GLIS3: variants seen among roughly 807,000 people sequenced by gnomAD.
GLIS3 encodes the protein GLIS family zinc finger 3.
A neutral mutation model predicts 78.6 loss-of-function variants in GLIS3; 53 were observed. The observed-to-expected ratio is 0.67, with a 90% CI of 0.54 to 0.85. The LOEUF (loss-of-function observed/expected upper bound fraction) is 0.85. Among genes scored for constraint, GLIS3 ranks in the 40% least tolerant of loss-of-function variants. GLIS3 has a pLI of 0.00. For missense variants in GLIS3, 1,703 were observed against 1,231.1 expected (o/e 1.38, Z -5.74); for synonymous variants, 684 against 509.9 (o/e 1.34, Z -4.60).
intron 4 of GLIS3, among the ~76,000 whole-genome samples, chr9:4,116,974 A>C (rs1831696696): frequency 6.6e-6 from 1 of 152,208 alleles, no homozygotes; most frequent in Admixed American, 6.5e-5. Context: ...AATTGTTGTG[A>C]AACCATTTAA....
At chr9:4,447,428 G>C in the GLIS3 span, among the ~76,000 whole-genome samples, 2 of 151,972 alleles carry the variant, frequency 1.3e-5, no homozygotes, top group African/African-American at 4.8e-5. Flanking sequence ...AGTAGTCCCT[G>C]AACAATCTCC....
the GLIS3 span, among the ~76,000 whole-genome samples, chr9:4,475,359 A>G: frequency 2.0e-4 from 31 of 152,326 alleles, no homozygotes; most frequent in East Asian, 4.4e-3. Context: ...AAGGTGCTCA[A>G]TCAGGGTTGT....
At chr9:3,906,476 C>A (rs1162905437) in intron 6 of GLIS3, among the ~76,000 whole-genome samples, 2 of 152,026 alleles carry the variant, frequency 1.3e-5, no homozygotes, top group Admixed American at 6.6e-5. Context: ...TAAGTTTTGG[C>A]CCGAGGAACA....
the GLIS3 span, among the ~76,000 whole-genome samples, chr9:4,356,772 T>C: frequency 4.6e-5 from 7 of 152,168 alleles, no homozygotes; most frequent in East Asian, 1.3e-3. Context: ...AACCAAAAGC[T>C]GAAAAACATC....
At chr9:4,088,088 G>T (rs776404025) in intron 4 of GLIS3, among the ~76,000 whole-genome samples, 1 of 152,132 alleles carries the variant, frequency 6.6e-6, no homozygotes, top group Admixed American at 6.5e-5. Flanking sequence ...GGCAGATCTG[G>T]GTTTGTCTTC....
At chr9:4,070,558 T>C (rs911555455) in intron 4 of GLIS3, among the ~76,000 whole-genome samples, 7 of 151,988 alleles carry the variant, frequency 4.6e-5, no homozygotes, top group Admixed American at 2.0e-4. Context: ...GAGAGAGAGA[T>C]GCAGAGCAAG....
chr9:4,370,908 T>C, the GLIS3 span, among the ~76,000 whole-genome samples: 2 of 152,010 alleles, frequency 1.3e-5, no homozygotes, highest in African/African-American at 4.8e-5. Flanking sequence ...AGGCAAAAGA[T>C]ATCATAACGC....
Position 3,824,493 on chromosome 9 carries a change from A to G in GLIS3, c.*3779T>C, listed in dbSNP as rs1042958310. 1 of 152,274 alleles carries G rather than the reference A, an allele frequency of 6.6e-6. No homozygotes were observed. Among genetic ancestry groups the G allele is most frequent in the South Asian group, 2.1e-4 (1 of 4,828 alleles). The allele number at this position is 152,274 out of a possible 1,614,324, so 9.4% of individuals were successfully genotyped here. ...GGGCGTCTTCTCTATTTCCAGTTTT[A>G]TTCTGTACCAAGTGCACAATCCCTT... On this transcript the variant is annotated 3_prime_UTR_variant, in exon 11 of 11. Coordinates refer to ENST00000381971, the MANE Select transcript of GLIS3 (RefSeq NM_001042413.2).
chr9:3,983,513 A>C (rs1819473006), intron 4 of GLIS3, among the ~76,000 whole-genome samples: 1 of 152,190 alleles, frequency 6.6e-6, no homozygotes, highest in Non-Finnish European at 1.5e-5. Flanking sequence ...AAGACAAAAA[A>C]ATGTGAGAAA....
At chr9:4,472,706 T>C in the GLIS3 span, among the ~76,000 whole-genome samples, 1 of 152,080 alleles carries the variant, frequency 6.6e-6, no homozygotes, top group Non-Finnish European at 1.5e-5. Context: ...TGTACACCTA[T>C]GTAACAAACC....
At chr9:4,313,237 C>A (rs111365692) in intron 2 of GLIS3, among the ~76,000 whole-genome samples, 3,504 of 152,274 alleles carry the variant, frequency 0.023, 118 homozygotes, top group African/African-American at 0.08. Flanking sequence ...TAAGCTTCCT[C>A]CGCACAGCTC....
intron 2 of GLIS3, among the ~76,000 whole-genome samples, chr9:4,249,478 G>A (rs1347193177): frequency 6.6e-6 from 1 of 152,160 alleles, no homozygotes; most frequent in Non-Finnish European, 1.5e-5. Flanking sequence ...TGTATCCCTA[G>A]ACTTTGCTGA....
intron 4 of GLIS3, among the ~76,000 whole-genome samples, chr9:3,965,652 T>A (rs1394269886): frequency 6.6e-6 from 1 of 152,192 alleles, no homozygotes; most frequent in Non-Finnish European, 1.5e-5. Context: ...GGAAGGCCAG[T>A]GCAGCAGAAG....
intron 2 of GLIS3, among the ~76,000 whole-genome samples, chr9:4,162,925 C>T (rs1835608191): frequency 7.8e-6 from 1 of 127,638 alleles, no homozygotes; most frequent in Non-Finnish European, 1.8e-5. Context: ...CCTACACAGC[C>T]ACCTCTTCAA....
intron 8 of GLIS3, among the ~76,000 whole-genome samples, chr9:3,861,740 A>T (rs1335158878): frequency 2.0e-5 from 3 of 152,162 alleles, no homozygotes; most frequent in Non-Finnish European, 4.4e-5. Flanking sequence ...AACAATGAGA[A>T]CACATGGACA....
At chr9:3,833,045 G>C (rs1728826067) in intron 9 of GLIS3, among the ~76,000 whole-genome samples, 1 of 152,146 alleles carries the variant, frequency 6.6e-6, no homozygotes, top group Non-Finnish European at 1.5e-5. Flanking sequence ...TTTGTGATGT[G>C]GCAAAATACA....
chr9:4,125,849 G>T lies in GLIS3; in HGVS notation c.481C>A (p.Leu161Met), dbSNP rs150440284. Residue 161 changes from leucine (L) to methionine (M), a missense_variant, in exon 3 of 11, where the codon CTG becomes ATG. By Grantham distance (15) the Leu-to-Met change is conservative. Transcript: ENST00000381971. Reference protein sequence around the residue: ...VTSSPMMVQRLGLISPPASQV... With the variant: ...VTSSPMMVQRMGLISPPASQV... ...CTTGCTGGAGGTGAAATGAGTCCCAGTCGCTGAACCATCATGGGACTGCTG... is the reference window on the plus strand; with the variant it reads ...CTTGCTGGAGGTGAAATGAGTCCCATTCGCTGAACCATCATGGGACTGCTG... 6.0e-5 allele frequency: 97 copies of T among 1,613,888 alleles called. No homozygotes were observed. The African/African-American group carries it at 1.2e-3, about 21-fold the overall frequency.
At chr9:4,438,204 C>CA in the GLIS3 span, among the ~76,000 whole-genome samples, 1 of 152,064 alleles carries the variant, frequency 6.6e-6, no homozygotes, top group Admixed American at 6.6e-5. Flanking sequence ...TTCCCTTCTA[C>CA]AAAAAAGTAT....
intron 2 of GLIS3, among the ~76,000 whole-genome samples, chr9:4,143,553 C>G (rs375803307): frequency 1.4e-5 from 2 of 143,850 alleles, no homozygotes; most frequent in Non-Finnish European, 3.0e-5. Flanking sequence ...GGCGACAGAG[C>G]AAGACTGTCT....
Sources: allele counts gnomAD v4.1 joint callset (sites outside exome capture counted in the v4.1 genomes callset), GRCh38; gene constraint gnomAD v4.1.1; transcripts MANE v1.5; gene names NCBI Gene and HGNC (gene_info 2026-07-23, HGNC 2026-07-21).